The following CCDC73 variants were observed in gnomAD, a reference collection of about 807,000 sequenced individuals.
CCDC73 encodes coiled-coil domain containing 73.
CCDC73 carries 95 observed loss-of-function variants against 116.5 expected under a neutral mutation model. The observed-to-expected ratio is 0.82, with a 90% CI of 0.69 to 0.97. The LOEUF (loss-of-function observed/expected upper bound fraction) is 0.97. CCDC73 is among the 50% of genes least tolerant of loss of function. CCDC73 has a pLI of 0.00. For synonymous variants in CCDC73, 398 were observed against 401.3 expected, an observed-to-expected ratio of 0.99 and a Z score of 0.10; for missense variants, 1,066 against 1,206.8, an observed-to-expected ratio of 0.88 and a Z score of 1.73.
chr11:32,788,235 A>G (rs961528569), intron 1 of CCDC73, among the ~76,000 whole-genome samples: 1 of 152,216 alleles, frequency 6.6e-6, no homozygotes, highest in Non-Finnish European at 1.5e-5. Context: ...GAAAACCATG[A>G]ATCAAAGAAG....
intron 9 of CCDC73, among the ~76,000 whole-genome samples, chr11:32,663,748 G>A (rs1392024967): frequency 6.6e-6 from 1 of 152,192 alleles, no homozygotes; most frequent in East Asian, 1.9e-4. Context: ...GGGCATCCCT[G>A]TCTTGTGCCA....
chr11:32,625,989 G>A (rs11031905), intron 14 of CCDC73, among the ~76,000 whole-genome samples: 32,329 of 112,274 alleles, frequency 0.29, 7,817 homozygotes, highest in African/African-American at 0.38. Flanking sequence ...GGGCAGTCAG[G>A]CAGGAGAAGG....
At chr11:32,812,958 T>C in the CCDC73 span, among the ~76,000 whole-genome samples, 2 of 152,196 alleles carry the variant, frequency 1.3e-5, no homozygotes, top group Non-Finnish European at 2.9e-5. Flanking sequence ...GAAAATCACA[T>C]TTAGAAAAAA....
chr11:32,687,951 C>A (rs985857375), intron 6 of CCDC73, among the ~76,000 whole-genome samples: 2 of 152,096 alleles, frequency 1.3e-5, no homozygotes, highest in Non-Finnish European at 2.9e-5. Flanking sequence ...CTTGAATGGA[C>A]TCCCACTGGC....
chr11:32,735,786 A>G (rs1442265891), intron 2 of CCDC73, among the ~76,000 whole-genome samples: 1 of 152,250 alleles, frequency 6.6e-6, no homozygotes, highest in South Asian at 2.1e-4. Context: ...GAACCAAAAC[A>G]GCATGGTACT....
the CCDC73 span, among the ~76,000 whole-genome samples, chr11:32,822,957 A>G: frequency 6.6e-6 from 1 of 152,188 alleles, no homozygotes; most frequent in African/African-American, 2.4e-5. Context: ...TAAAGAAAAG[A>G]CATTGTTCTC....
intron 1 of CCDC73, among the ~76,000 whole-genome samples, chr11:32,766,716 C>T (rs1174452034): frequency 2.6e-5 from 4 of 152,158 alleles, no homozygotes; most frequent in South Asian, 2.1e-4. Context: ...AACTCCCATT[C>T]ACAATTGCTT....
At chr11:32,704,257 C>T (rs1053188778) in intron 3 of CCDC73, among the ~76,000 whole-genome samples, 1 of 152,240 alleles carries the variant, frequency 6.6e-6, no homozygotes, top group African/African-American at 2.4e-5. Flanking sequence ...GGGGAAGCCC[C>T]CTTGAAGCTG....
At chr11:32,669,305 T>C (rs1189130134) in intron 9 of CCDC73, among the ~76,000 whole-genome samples, 6 of 152,198 alleles carry the variant, frequency 3.9e-5, no homozygotes, top group Admixed American at 3.9e-4. Flanking sequence ...AAATCTTTTA[T>C]GCTCAACTGA....
At chr11:32,633,554 A>G (rs561387608) in intron 14 of CCDC73, among the ~76,000 whole-genome samples, 1 of 152,188 alleles carries the variant, frequency 6.6e-6, no homozygotes. Context: ...ACGAAGAAAA[A>G]TAGGTAAAGG....
chr11:32,805,166 T>A, the CCDC73 span, among the ~76,000 whole-genome samples: 1 of 152,216 alleles, frequency 6.6e-6, no homozygotes, highest in South Asian at 2.1e-4. Context: ...TGTCCCAGCC[T>A]TAAGAGTGAA....
intron 2 of CCDC73, chr11:32,758,553 T>C: frequency 2.2e-6 from 1 of 446,958 alleles, no homozygotes; most frequent in Non-Finnish European, 4.5e-6. Flanking sequence ...GCTTTCTTCA[T>C]CAAGGAGCAG....
chr11:32,644,194 T>C (rs1855756891), intron 12 of CCDC73, among the ~76,000 whole-genome samples: 1 of 152,114 alleles, frequency 6.6e-6, no homozygotes, highest in South Asian at 2.1e-4. Flanking sequence ...GCAACATGGA[T>C]GGAGCTGGAG....
At chr11:32,650,826 A>G (rs777965160) in intron 12 of CCDC73, among the ~76,000 whole-genome samples, 1 of 152,220 alleles carries the variant, frequency 6.6e-6, no homozygotes, top group Non-Finnish European at 1.5e-5. Flanking sequence ...ATTTGGTTCC[A>G]TTCAATGATA....
intron 14 of CCDC73, among the ~76,000 whole-genome samples, chr11:32,628,295 T>C (rs1287779938): frequency 1.3e-5 from 2 of 152,206 alleles, no homozygotes; most frequent in Non-Finnish European, 1.5e-5. Flanking sequence ...GCAAAAAAGA[T>C]GGTCTGAGTT....
intron 6 of CCDC73, among the ~76,000 whole-genome samples, chr11:32,687,396 G>A (rs1280720568): frequency 3.9e-5 from 6 of 152,172 alleles, no homozygotes; most frequent in Non-Finnish European, 8.8e-5. Context: ...GCAGGAAAAG[G>A]AGGACATCCA....
chr11:32,796,295 G>A (rs774530959), upstream of CCDC73, among the ~76,000 whole-genome samples: 1 of 152,176 alleles, frequency 6.6e-6, no homozygotes, highest in African/African-American at 2.4e-5. Flanking sequence ...GCATGTAAAT[G>A]CCAAATAAAT....
intron 2 of CCDC73, among the ~76,000 whole-genome samples, chr11:32,737,208 A>G (rs912727057): frequency 2.0e-5 from 3 of 148,914 alleles, no homozygotes; most frequent in African/African-American, 7.4e-5. Context: ...TTTATTTTTA[A>G]TATCTGTGGG....
Position 32,603,172 on chromosome 11 carries a change from C to T in CCDC73, c.3031-152G>A, listed in dbSNP as rs1855299305. Reference sequence around the variant, plus strand: ...GTAGTTCTGGCACCAGAAAAGTATACAATGTGAATGTGTAGGCTTATGTAG... The same window carrying T: ...GTAGTTCTGGCACCAGAAAAGTATATAATGTGAATGTGTAGGCTTATGTAG... On this transcript the variant is annotated intron_variant, in intron 17 of 17. Coordinates refer to ENST00000335185, the MANE Select transcript of CCDC73 (RefSeq NM_001008391.4). 8.3e-6 allele frequency: 5 copies of T among 605,746 alleles called. No homozygotes were observed. The East Asian group carries it at 1.4e-4, about 17-fold the overall frequency. The allele number at this position is 605,746 out of a possible 1,614,324, so 37.5% of individuals were successfully genotyped here.
Sources: gnomAD v4.1 joint callset for allele counts (sites outside exome capture counted in the v4.1 genomes callset) on GRCh38, gnomAD v4.1.1 for gene constraint, MANE v1.5 for transcripts, NCBI Gene and HGNC (gene_info 2026-07-23, HGNC 2026-07-21) for gene names.